The following PRIM2 variants were observed in gnomAD, a reference collection of about 807,000 sequenced individuals.
PRIM2 encodes the protein DNA primase subunit 2, also known as DNA primase large subunit.
Under a neutral mutation model 67.3 loss-of-function variants are expected in PRIM2, and 39 were observed. The observed-to-expected ratio is 0.58, with a 90% CI of 0.45 to 0.76. PRIM2 has a LOEUF of 0.76. Ranked by LOEUF, PRIM2 falls within the 30% of genes least tolerant of loss-of-function variation. The pLI, the probability that PRIM2 is intolerant of heterozygous loss-of-function variation, is 0.00. For missense variants in PRIM2, 398 were observed against 598.7 expected (o/e 0.66, Z 3.50); for synonymous variants, 143 against 198.7 (o/e 0.72, Z 2.36).
chr6:57,553,028 T>TAAAAAAAAAAAAAA, intron 10 of PRIM2, among the ~76,000 whole-genome samples: 1 of 152,160 alleles, frequency 6.6e-6, no homozygotes, highest in Non-Finnish European at 1.5e-5. Context: ...TCAGAATGAG[T>TAAAAAAAAAAAAAA]AAATATGAAA....
intron 7 of PRIM2, among the ~76,000 whole-genome samples, chr6:57,397,821 C>G (rs1770568967): frequency 6.7e-6 from 1 of 150,246 alleles, no homozygotes; most frequent in Non-Finnish European, 1.5e-5. Flanking sequence ...CTTTTGCTTG[C>G]TTAGAGGCTG....
chr6:57,312,133 G>A (rs6921631), upstream of PRIM2, among the ~76,000 whole-genome samples: 5,138 of 151,910 alleles, frequency 0.034, 278 homozygotes, highest in African/African-American at 0.12. Flanking sequence ...CAATGACCCT[G>A]TGTTAATTTT....
chr6:57,580,186 T>A (rs1776055546), intron 10 of PRIM2, among the ~76,000 whole-genome samples: 1 of 152,232 alleles, frequency 6.6e-6, no homozygotes, highest in South Asian at 2.1e-4. Flanking sequence ...GACAGAGGGT[T>A]GCTTGAGGCC....
chr6:57,292,675 A>T, the PRIM2 span, among the ~76,000 whole-genome samples: 1 of 152,182 alleles, frequency 6.6e-6, no homozygotes, highest in Admixed American at 6.5e-5. Flanking sequence ...AGGCCTCCGA[A>T]ATAACACCAC....
chr6:57,268,284 T>A, the PRIM2 span, among the ~76,000 whole-genome samples: 1 of 152,204 alleles, frequency 6.6e-6, no homozygotes. Context: ...CCAATTACTT[T>A]ACTGTATAAC....
rs537908836 is a variant in PRIM2, at chr6:57,390,619, C to A, written c.693+8451C>A. ...AAGAGTTCTCATCATTTAGCTCTCACTAAGTGAGAACATGTGGTATTAGGT... is the reference window on the plus strand; with the variant it reads ...AAGAGTTCTCATCATTTAGCTCTCAATAAGTGAGAACATGTGGTATTAGGT... On this transcript the variant is annotated intron_variant, in intron 7 of 13. Transcript: ENST00000615550. 4.6e-5 allele frequency among the ~76,000 whole-genome samples: 7 copies of A among 152,228 alleles called. No homozygotes were observed. The East Asian group carries it at 1.4e-3, about 29-fold the overall frequency.
At chr6:57,330,348 G>GTTTTTTTTTTTTTTTTTTT (rs1238317111) in intron 5 of PRIM2, among the ~76,000 whole-genome samples, 18 of 87,810 alleles carry the variant, frequency 2.0e-4, no homozygotes, top group Admixed American at 2.4e-4. Context: ...TGCTGAACTT[G>GTTTTTTTTTTTTTTTTTTT]TTTTTTTTTT....
At chr6:57,302,396 C>G in the PRIM2 span, among the ~76,000 whole-genome samples, 2 of 152,074 alleles carry the variant, frequency 1.3e-5, no homozygotes, top group Non-Finnish European at 2.9e-5. Context: ...TTCCCCAGCA[C>G]TTTTCCATGG....
intron 7 of PRIM2, among the ~76,000 whole-genome samples, chr6:57,388,366 A>G (rs1770219696): frequency 6.6e-6 from 1 of 152,196 alleles, no homozygotes. Flanking sequence ...TTGTGGTGAT[A>G]TGACTGACAG....
chr6:57,617,574 C>T (rs1367602470), intron 12 of PRIM2, among the ~76,000 whole-genome samples: 1 of 152,138 alleles, frequency 6.6e-6, no homozygotes, highest in Non-Finnish European at 1.5e-5. Flanking sequence ...AAATGTCTAT[C>T]CAATTCCTTT....
chr6:57,636,327 A>G (rs1483471429), intron 13 of PRIM2, among the ~76,000 whole-genome samples: 1 of 152,090 alleles, frequency 6.6e-6, no homozygotes, highest in African/African-American at 2.4e-5. Flanking sequence ...AGATGTGGAT[A>G]CCTCTATTTC....
chr6:57,291,121 T>C, the PRIM2 span, among the ~76,000 whole-genome samples: 2 of 151,742 alleles, frequency 1.3e-5, no homozygotes, highest in South Asian at 4.2e-4. Context: ...ATAAAGGAGA[T>C]AAGAGAGAAG....
At chr6:57,339,388 G>A (rs1352464679) in intron 5 of PRIM2, among the ~76,000 whole-genome samples, 66 of 152,060 alleles carry the variant, frequency 4.3e-4, no homozygotes, top group South Asian at 1.0e-3. Flanking sequence ...AAAAGAGCCC[G>A]CATCGCCAAG....
intron 13 of PRIM2, among the ~76,000 whole-genome samples, chr6:57,640,035 C>T (rs1368781726): frequency 2.6e-5 from 4 of 152,122 alleles, no homozygotes; most frequent in African/African-American, 9.7e-5. Flanking sequence ...AGCTTATCTA[C>T]CATGATCAAG....
the PRIM2 span, among the ~76,000 whole-genome samples, chr6:57,232,979 C>T: frequency 6.6e-6 from 1 of 152,222 alleles, no homozygotes; most frequent in East Asian, 1.9e-4. Context: ...AATCAGAATA[C>T]TCTTTCTCTG....
intron 13 of PRIM2, among the ~76,000 whole-genome samples, chr6:57,634,473 T>C (rs1355276406): frequency 1.9e-4 from 29 of 152,286 alleles, no homozygotes; most frequent in African/African-American, 5.8e-4. Flanking sequence ...AGATAAGCCA[T>C]GTTTGGCAAC....
intron 7 of PRIM2, among the ~76,000 whole-genome samples, chr6:57,464,028 C>T (rs557168496): frequency 1.2e-4 from 19 of 152,134 alleles, no homozygotes; most frequent in Non-Finnish European, 2.1e-4. Context: ...CTCCCTCAGT[C>T]GAATGCTGTT....
intron 7 of PRIM2, among the ~76,000 whole-genome samples, chr6:57,413,862 A>C (rs1771172719): frequency 1.3e-5 from 2 of 152,140 alleles, no homozygotes; most frequent in Non-Finnish European, 2.9e-5. Context: ...TCTATGCAGT[A>C]TTCAGTGAGA....
chr6:57,360,385 T>C (rs1473616338), intron 5 of PRIM2, among the ~76,000 whole-genome samples: 2 of 152,190 alleles, frequency 1.3e-5, no homozygotes, highest in Non-Finnish European at 2.9e-5. Flanking sequence ...TATTGGCTCT[T>C]GATATATGGA....
Sources: gnomAD v4.1 joint callset for allele counts (sites outside exome capture counted in the v4.1 genomes callset) on GRCh38, gnomAD v4.1.1 for gene constraint, MANE v1.5 for transcripts, NCBI Gene and HGNC (gene_info 2026-07-23, HGNC 2026-07-21) for gene names.